GRB2: variants seen among roughly 807,000 people sequenced by gnomAD.
The protein encoded by GRB2 is growth factor receptor-bound protein 2.
Under a neutral mutation model 27.4 loss-of-function variants are expected in GRB2, and 2 were observed. The ratio of observed to expected loss-of-function variants is 0.07; its 90% CI spans 0.03 to 0.23. The LOEUF is 0.23. GRB2 is among the 10% of genes least tolerant of loss of function. The probability of loss-of-function intolerance (pLI) is 1.00; values close to 1 mark genes in which losing one functional copy is unlikely to be tolerated. For missense variants in GRB2, 102 were observed against 282.4 expected, an observed-to-expected ratio of 0.36 and a Z score of 4.58; for synonymous variants, 94 against 99.6, an observed-to-expected ratio of 0.94 and a Z score of 0.33.
At chr17:75,387,720 C>T (rs1219651778) in intron 2 of GRB2, 1 of 151,960 alleles carries the variant, frequency 6.6e-6, no homozygotes, top group Non-Finnish European at 1.5e-5. Context: ...ATCACTTGAA[C>T]TCAGGAGGTG....
At chr17:75,324,998 C>T (rs2078489106) in intron 4 of GRB2, among the ~76,000 whole-genome samples, 1 of 152,234 alleles carries the variant, frequency 6.6e-6, no homozygotes, top group Admixed American at 6.5e-5. Flanking sequence ...ACTGCTTGAA[C>T]CTGGGAGGTG....
At position 75,347,285 on chromosome 17, in the gene GRB2, A is replaced by G. The variant is rs550248707; in HGVS notation, c.79-14488T>C. On this transcript the variant is annotated intron_variant, in intron 2 of 5. Coordinates refer to ENST00000316804, the MANE Select transcript of GRB2 (RefSeq NM_002086.5). ...ACTGAAAGCCTGAAAGCCACACTAC[A>G]GGTCAAATCCATGGACCGGACTGAG... 2.6e-5 allele frequency among the ~76,000 whole-genome samples: 4 copies of G among 152,270 alleles called. No homozygotes were observed. In the South Asian group the frequency reaches 8.3e-4, roughly 32 times the overall value.
intron 2 of GRB2, among the ~76,000 whole-genome samples, chr17:75,343,717 C>T (rs1402076003): frequency 8.6e-5 from 13 of 152,046 alleles, no homozygotes; most frequent in Non-Finnish European, 2.9e-5. Context: ...CAAAGGGGTA[C>T]AAAAAGTTTC....
intron 2 of GRB2, among the ~76,000 whole-genome samples, chr17:75,351,527 G>A (rs1567864036): frequency 2.0e-5 from 3 of 151,952 alleles, no homozygotes; most frequent in Admixed American, 1.3e-4. Context: ...AGTGGTGTGC[G>A]GCTGTAGTCC....
intron 1 of GRB2, among the ~76,000 whole-genome samples, chr17:75,395,728 T>A (rs1337342570): frequency 6.6e-6 from 1 of 152,166 alleles, no homozygotes; most frequent in African/African-American, 2.4e-5. Flanking sequence ...AGATTTAGTT[T>A]CCCCCGACCT....
chr17:75,392,052 T>C (rs925965725), intron 2 of GRB2, among the ~76,000 whole-genome samples: 1 of 152,166 alleles, frequency 6.6e-6, no homozygotes, highest in Admixed American at 6.5e-5. Context: ...GAGTAGCCCA[T>C]CTTATACCAT....
chr17:75,359,162 C>CAAAAAAAA (rs3082676), intron 2 of GRB2, among the ~76,000 whole-genome samples: 2 of 64,722 alleles, frequency 3.1e-5, no homozygotes, highest in African/African-American at 5.5e-5. Flanking sequence ...GACTACATCT[C>CAAAAAAAA]AAAAAAAAAA....
intron 1 of GRB2, 147 bp from the exon 2 acceptor site, chr17:75,393,912 C>G (rs895131012): frequency 2.9e-5 from 13 of 441,958 alleles, no homozygotes; most frequent in African/African-American, 1.4e-4. Flanking sequence ...AGCCCCCCCC[C>G]GCCGACTTCT....
intron 2 of GRB2, among the ~76,000 whole-genome samples, chr17:75,380,386 A>G (rs189098656): frequency 6.6e-6 from 1 of 151,948 alleles, no homozygotes; most frequent in East Asian, 1.9e-4. Context: ...CACCATATAG[A>G]AAGTTAAAGT....
intron 2 of GRB2, among the ~76,000 whole-genome samples, chr17:75,385,371 T>C (rs554002140): frequency 1.3e-5 from 2 of 152,140 alleles, no homozygotes; most frequent in South Asian, 4.2e-4. Flanking sequence ...ACACTGTCTC[T>C]ACTAAAAATA....
At chr17:75,343,370 T>C (rs1371467110) in intron 2 of GRB2, among the ~76,000 whole-genome samples, 1 of 152,132 alleles carries the variant, frequency 6.6e-6, no homozygotes, top group African/African-American at 2.4e-5. Flanking sequence ...GACCAGCAAC[T>C]AGGCTGATGG....
At chr17:75,362,681 TA>T (rs1269011891) in intron 2 of GRB2, among the ~76,000 whole-genome samples, 1 of 152,210 alleles carries the variant, frequency 6.6e-6, no homozygotes, top group Non-Finnish European at 1.5e-5. Context: ...TGCCTTACTT[TA>T]AAAATTCTAA....
At chr17:75,354,541 G>T (rs971243639) in intron 2 of GRB2, among the ~76,000 whole-genome samples, 2 of 152,126 alleles carry the variant, frequency 1.3e-5, no homozygotes, top group African/African-American at 4.8e-5. Flanking sequence ...CCCGCTCCTT[G>T]TAAGAATCTA....
chr17:75,384,809 G>A (rs2078951723), intron 2 of GRB2, among the ~76,000 whole-genome samples: 1 of 151,918 alleles, frequency 6.6e-6, no homozygotes, highest in African/African-American at 2.4e-5. Context: ...CATTCAGAAA[G>A]AGATCTATGT....
chr17:75,355,626 C>CA (rs1320913188), intron 2 of GRB2, among the ~76,000 whole-genome samples: 2 of 137,778 alleles, frequency 1.5e-5, no homozygotes, highest in South Asian at 2.3e-4. Context: ...AAAAAAAAAG[C>CA]AAAAAAATCT....
chr17:75,350,498 T>C (rs1336107855), intron 2 of GRB2, among the ~76,000 whole-genome samples: 2 of 152,096 alleles, frequency 1.3e-5, no homozygotes, highest in East Asian at 3.8e-4. Context: ...TTTATTTATT[T>C]TTATTTTTTT....
At chr17:75,392,245 GCTTT>G (rs1390509554) in intron 2 of GRB2, among the ~76,000 whole-genome samples, 9 of 152,204 alleles carry the variant, frequency 5.9e-5, no homozygotes, top group African/African-American at 2.2e-4. Context: ...GGTTCCGTCT[GCTTT>G]CTGACAATTT....
chr17:75,394,581 A>C (rs1264173725), intron 1 of GRB2, among the ~76,000 whole-genome samples: 1 of 152,240 alleles, frequency 6.6e-6, no homozygotes. Flanking sequence ...TCAGCACTCC[A>C]GAAATAGCTC....
At chr17:75,386,547 C>T (rs1220827494) in intron 2 of GRB2, among the ~76,000 whole-genome samples, 1 of 152,202 alleles carries the variant, frequency 6.6e-6, no homozygotes, top group Non-Finnish European at 1.5e-5. Context: ...ACCATTTCTT[C>T]ACACTGTAGC....
Sources: gnomAD v4.1 joint callset for allele counts (sites outside exome capture counted in the v4.1 genomes callset) on GRCh38, gnomAD v4.1.1 for gene constraint, MANE v1.5 for transcripts, NCBI Gene and HGNC (gene_info 2026-07-23, HGNC 2026-07-21) for gene names.